ASCC3: variants seen among roughly 807,000 people sequenced by gnomAD.
The protein encoded by ASCC3 is activating signal cointegrator 1 complex subunit 3, also known as ASC-1 complex subunit P200.
A neutral mutation model predicts 256.3 loss-of-function variants in ASCC3; 158 were observed. The observed-to-expected ratio is 0.62, with a 90% confidence interval of 0.54 to 0.70. The LOEUF (loss-of-function observed/expected upper bound fraction) is 0.70, where lower values mean the gene tolerates loss of function less well. Among genes scored for constraint, ASCC3 ranks in the 30% least tolerant of loss-of-function variants. ASCC3 has a pLI of 0.00. For missense variants in ASCC3, 2,259 were observed against 2,626.0 expected, an observed-to-expected ratio of 0.86 and a Z score of 3.05; for synonymous variants, 948 against 883.4, an observed-to-expected ratio of 1.07 and a Z score of -1.30.
At chr6:100,734,024 G>A (rs1780027667) in intron 10 of ASCC3, among the ~76,000 whole-genome samples, 1 of 152,188 alleles carries the variant, frequency 6.6e-6, no homozygotes, top group African/African-American at 2.4e-5. Context: ...TGTTGTCAGA[G>A]CGAGTTGTCC....
At chr6:100,535,766 A>C (rs1051246996) in intron 37 of ASCC3, among the ~76,000 whole-genome samples, 9 of 152,088 alleles carry the variant, frequency 5.9e-5, no homozygotes, top group Non-Finnish European at 1.2e-4. Flanking sequence ...GGCGCCCAGC[A>C]GAAGCTGGTT....
In ASCC3 at chr6:100,530,404, A is replaced by AT; in HGVS notation, c.5775+9758dup. ...TGGAAGTTAGATGTTGCAACAGATA[A>AT]TTTTTTCCAAAATCCTGAACTTTAT... On this transcript the variant is annotated intron_variant, in intron 37 of 41. Coordinates refer to ENST00000369162, the MANE Select transcript of ASCC3 (RefSeq NM_006828.4). 3.8e-6 allele frequency: 4 copies of AT among 1,064,192 alleles called. No homozygotes were observed. In the South Asian group the frequency reaches 5.0e-5, roughly 13 times the overall value. The allele number at this position is 1,064,192 out of a possible 1,614,324, so 65.9% of individuals were successfully genotyped here.
At chr6:100,581,621 C>A (rs1261459953) in intron 36 of ASCC3, among the ~76,000 whole-genome samples, 9 of 152,040 alleles carry the variant, frequency 5.9e-5, no homozygotes, top group Non-Finnish European at 8.8e-5. Context: ...TCTTTTGTTG[C>A]CATTGCTTTT....
At chr6:100,578,221 A>C (rs1251845235) in intron 36 of ASCC3, among the ~76,000 whole-genome samples, 1 of 152,070 alleles carries the variant, frequency 6.6e-6, no homozygotes, top group East Asian at 1.9e-4. Context: ...AACATATAGA[A>C]TTTTTACCAA....
At chr6:100,563,501 C>A (rs1487527068) in intron 36 of ASCC3, among the ~76,000 whole-genome samples, 1 of 152,096 alleles carries the variant, frequency 6.6e-6, no homozygotes, top group Non-Finnish European at 1.5e-5. Context: ...TAGTGTTTCA[C>A]ATGGATGATA....
intron 10 of ASCC3, among the ~76,000 whole-genome samples, chr6:100,749,845 T>C (rs749447718): frequency 4.0e-5 from 6 of 151,646 alleles, no homozygotes; most frequent in Non-Finnish European, 7.4e-5. Context: ...AGTACTGATA[T>C]ATAGAAATAA....
At chr6:100,534,699 T>G (rs902145448) in intron 37 of ASCC3, among the ~76,000 whole-genome samples, 1 of 152,094 alleles carries the variant, frequency 6.6e-6, no homozygotes, top group East Asian at 1.9e-4. Flanking sequence ...AAAGGAACCA[T>G]GACAAAAATA....
intron 11 of ASCC3, among the ~76,000 whole-genome samples, chr6:100,723,979 T>C (rs1779496040): frequency 6.9e-6 from 1 of 145,702 alleles, no homozygotes; most frequent in South Asian, 2.1e-4. Context: ...ATATTATATA[T>C]ACATAATTTA....
intron 36 of ASCC3, among the ~76,000 whole-genome samples, chr6:100,576,740 AGGAGAT>A (rs1770885252): frequency 6.6e-6 from 1 of 152,022 alleles, no homozygotes; most frequent in Non-Finnish European, 1.5e-5. Context: ...CTATTGTAGA[AGGAGAT>A]TAGTGAAGAG....
chr6:100,796,926 C>A (rs1052136828), intron 8 of ASCC3, among the ~76,000 whole-genome samples: 2 of 152,012 alleles, frequency 1.3e-5, no homozygotes, highest in African/African-American at 2.4e-5. Flanking sequence ...TGATGCCCCC[C>A]AAAAATCTCC....
intron 3 of ASCC3, among the ~76,000 whole-genome samples, chr6:100,861,927 G>T (rs1480096692): frequency 6.6e-6 from 1 of 152,024 alleles, no homozygotes; most frequent in East Asian, 1.9e-4. Flanking sequence ...CCTTATTTAT[G>T]TAAAGAAATA....
chr6:100,534,104 C>T (rs948690130), intron 37 of ASCC3, among the ~76,000 whole-genome samples: 1 of 152,062 alleles, frequency 6.6e-6, no homozygotes, highest in Non-Finnish European at 1.5e-5. Flanking sequence ...ATTAGCCAGG[C>T]GTGGTGGCTT....
intron 3 of ASCC3, among the ~76,000 whole-genome samples, chr6:100,855,793 T>C (rs705598): frequency 0.2 from 29,880 of 152,104 alleles, 3,203 homozygotes; most frequent in African/African-American, 0.25. Flanking sequence ...CAGCCACTTA[T>C]CAGTTTAACC....
intron 36 of ASCC3, among the ~76,000 whole-genome samples, chr6:100,563,111 G>C (rs1054729602): frequency 6.6e-6 from 1 of 151,506 alleles, no homozygotes; most frequent in African/African-American, 2.4e-5. Flanking sequence ...TAAATATTAT[G>C]ATTAAAATTT....
intron 10 of ASCC3, among the ~76,000 whole-genome samples, chr6:100,765,250 C>T (rs925270732): frequency 6.6e-6 from 1 of 152,102 alleles, no homozygotes. Context: ...CTAAGCCCCC[C>T]AACCATCTGA....
chr6:100,642,698 G>C lies in ASCC3; in HGVS notation c.3784C>G (p.Pro1262Ala), dbSNP rs1474102188. The C allele has an allele frequency of 9.3e-6, 15 of 1,613,632 alleles. No homozygotes were observed. The highest frequency in any genetic ancestry group is 1.1e-5 in the Non-Finnish European group (13 of 1,179,810). Residue 1262 changes from proline (P) to alanine (A), a missense_variant, in exon 24 of 42, where the codon CCT becomes GCT. Pro to Ala is a conservative substitution (Grantham distance 27, BLOSUM62 -1). Around this residue, in one of 2 missense-constraint regions of ASCC3, gnomAD observed 1,839 missense variants for 2,206.7 expected, o/e 0.83. Coordinates refer to ENST00000369162, the MANE Select transcript of ASCC3 (RefSeq NM_006828.4). ...LLVFTIPIFE[P>A]LPSQYYIRAV... is the part of the protein sequence containing the mutation. ...CGGATGTAGTATTGGGAAGGCAAAGGCTCAAAAATAGGGATTGTAAATACC... is the reference window on the plus strand; with the variant it reads ...CGGATGTAGTATTGGGAAGGCAAAGCCTCAAAAATAGGGATTGTAAATACC...
intron 13 of ASCC3, among the ~76,000 whole-genome samples, chr6:100,689,754 T>C (rs1348208273): frequency 1.3e-5 from 2 of 152,160 alleles, no homozygotes; most frequent in Admixed American, 1.3e-4. Flanking sequence ...CTCAACCAAA[T>C]AATTTTCATG....
intron 37 of ASCC3, among the ~76,000 whole-genome samples, chr6:100,521,922 T>C (rs1774331711): frequency 6.6e-6 from 1 of 152,194 alleles, no homozygotes; most frequent in South Asian, 2.1e-4. Context: ...AATAGGTATA[T>C]GCTCCTCCCC....
At chr6:100,780,622 T>C (rs1782397112) in intron 8 of ASCC3, among the ~76,000 whole-genome samples, 1 of 152,068 alleles carries the variant, frequency 6.6e-6, no homozygotes, top group African/African-American at 2.4e-5. Flanking sequence ...AATAAAAAAC[T>C]ACATATTAAG....
Sources: allele counts gnomAD v4.1 joint callset (sites outside exome capture counted in the v4.1 genomes callset), GRCh38; gene constraint gnomAD v4.1.1; regional missense constraint gnomAD v4.1.1; transcripts MANE v1.5; gene names NCBI Gene and HGNC (gene_info 2026-07-23, HGNC 2026-07-21).